Variants in VPS13B observed in about 807,000 individuals in gnomAD.
VPS13B encodes the protein vacuolar protein sorting 13 homolog B, also known as intermembrane lipid transfer protein VPS13B.
Under a neutral mutation model 426.4 loss-of-function variants are expected in VPS13B, and 285 were observed. That is an observed-to-expected ratio of 0.67 (90% CI 0.61 to 0.74). The LOEUF is 0.74. Ranked by LOEUF, VPS13B falls within the 30% of genes least tolerant of loss-of-function variation. The probability of loss-of-function intolerance (pLI) is 0.00; values close to 1 mark genes in which losing one functional copy is unlikely to be tolerated. For synonymous variants in VPS13B, 1,676 were observed against 1,676.4 expected (o/e 1.00, Z 0.01); for missense variants, 4,537 against 4,782.6 (o/e 0.95, Z 1.51).
chr8:99,465,227 G>GGT (rs931132518), intron 23 of VPS13B, among the ~76,000 whole-genome samples: 47 of 151,662 alleles, frequency 3.1e-4, no homozygotes, highest in African/African-American at 1.0e-3. Context: ...TTTTCATTCT[G>GGT]GTGTGTGTGT....
chr8:99,421,325 C>A (rs1030904571), intron 21 of VPS13B, among the ~76,000 whole-genome samples: 1 of 152,032 alleles, frequency 6.6e-6, no homozygotes, highest in Non-Finnish European at 1.5e-5. Flanking sequence ...AATGAGATTG[C>A]GATGTTAAAT....
chr8:99,583,838 G>A (rs1318668128), intron 33 of VPS13B, among the ~76,000 whole-genome samples: 1 of 152,140 alleles, frequency 6.6e-6, no homozygotes, highest in Non-Finnish European at 1.5e-5. Context: ...AGACTGGCAT[G>A]AAGGAGTATG....
intron 31 of VPS13B, among the ~76,000 whole-genome samples, chr8:99,559,380 T>G (rs1197376081): frequency 1.3e-5 from 2 of 152,230 alleles, no homozygotes; most frequent in African/African-American, 4.8e-5. Flanking sequence ...GATGGTAGTT[T>G]CTTTTGCTGT....
chr8:99,364,304 A>T (rs1812719464), intron 19 of VPS13B, among the ~76,000 whole-genome samples: 1 of 152,218 alleles, frequency 6.6e-6, no homozygotes, highest in African/African-American at 2.4e-5. Flanking sequence ...CATACCCAGG[A>T]TAAATCCCAC....
chr8:99,579,802 A>G (rs775854221), intron 33 of VPS13B, among the ~76,000 whole-genome samples: 11 of 151,104 alleles, frequency 7.3e-5, no homozygotes, highest in Non-Finnish European at 1.3e-4. Flanking sequence ...GGTTCAAGCA[A>G]TTCTCCTGCC....
intron 19 of VPS13B, among the ~76,000 whole-genome samples, chr8:99,373,860 A>G (rs1415483673): frequency 6.6e-6 from 1 of 150,702 alleles, no homozygotes; most frequent in Admixed American, 6.6e-5. Flanking sequence ...AACAAAAGGA[A>G]CTCTTCTGTT....
chr8:99,856,221 C>G (rs184751382), intron 56 of VPS13B, among the ~76,000 whole-genome samples: 285 of 152,332 alleles, frequency 1.9e-3, no homozygotes, highest in African/African-American at 6.1e-3. Flanking sequence ...GCTGCCGTTC[C>G]AATCTCACTG....
intron 7 of VPS13B, among the ~76,000 whole-genome samples, chr8:99,120,756 A>C (rs1847894623): frequency 6.6e-6 from 1 of 152,114 alleles, no homozygotes; most frequent in African/African-American, 2.4e-5. Context: ...CAGGAAATGA[A>C]GAATGTTTCT....
At chr8:99,445,321 C>T (rs1041961644) in intron 23 of VPS13B, among the ~76,000 whole-genome samples, 2 of 149,154 alleles carry the variant, frequency 1.3e-5, no homozygotes, top group African/African-American at 2.4e-5. Flanking sequence ...AAAAATTACC[C>T]GGTTGTGGTG....
chr8:99,175,884 A>T (rs1431682759), intron 16 of VPS13B, among the ~76,000 whole-genome samples: 1 of 152,244 alleles, frequency 6.6e-6, no homozygotes, highest in African/African-American at 2.4e-5. Context: ...ATTAAATCAT[A>T]ACTGCATAAA....
rs1830219079 is a variant in VPS13B, at chr8:99,661,418, A to G, written c.5973A>G (p.Gly1991=). The G allele has an allele frequency of 1.2e-6, 2 of 1,613,796 alleles. No individual in the cohort carries two copies. The highest frequency in any genetic ancestry group is 4.5e-5 in the East Asian group (2 of 44,838). ...YCTVWLQTVP[G]EIDSKSGIPP... is the part of the protein sequence containing the mutation. ...CTGTTTGGCTACAGACAGTGCCTGG[A>G]GAAATAGACAGCAAAAGTGGTATTC... is the stretch of plus-strand genomic sequence containing the variant. Residue 1991 remains glycine (G), a synonymous_variant, in exon 35 of 62, where the codon GGA becomes GGG. Transcript: ENST00000357162.
chr8:99,157,599 A>AT (rs1811430386), intron 15 of VPS13B, among the ~76,000 whole-genome samples: 2 of 152,180 alleles, frequency 1.3e-5, no homozygotes, highest in African/African-American at 4.8e-5. Flanking sequence ...AGACACAACA[A>AT]TATTGAAGTT....
chr8:99,804,183 G>T, intron 43 of VPS13B: 1 of 152,836 alleles, frequency 6.5e-6, no homozygotes, highest in South Asian at 1.9e-4. Context: ...TGGGCCTCGT[G>T]GTGTTGAAGC....
chr8:99,138,250 C>G (rs530169064), intron 12 of VPS13B, among the ~76,000 whole-genome samples: 8 of 152,352 alleles, frequency 5.3e-5, no homozygotes, highest in African/African-American at 1.9e-4. Flanking sequence ...CCTCAGCCTC[C>G]TAAGTGGCTG....
intron 17 of VPS13B, among the ~76,000 whole-genome samples, chr8:99,244,345 A>G (rs1469099595): frequency 6.6e-6 from 1 of 152,388 alleles, no homozygotes; most frequent in South Asian, 2.1e-4. Context: ...TAAAAAAGCA[A>G]TGAACCCTGA....
At chr8:99,456,458 C>T (rs1182565859) in intron 23 of VPS13B, among the ~76,000 whole-genome samples, 1 of 151,972 alleles carries the variant, frequency 6.6e-6, no homozygotes, top group East Asian at 1.9e-4. Flanking sequence ...TGTGAGCCAC[C>T]GCACCAGCCA....
intron 52 of VPS13B, among the ~76,000 whole-genome samples, chr8:99,834,559 CAGGG>C (rs890001237): frequency 6.6e-6 from 1 of 150,436 alleles, no homozygotes; most frequent in Non-Finnish European, 1.5e-5. Flanking sequence ...TTTTTTGATA[CAGGG>C]TCTTGCTCTG....
chr8:99,022,063 T>A (rs1841923586), intron 2 of VPS13B, among the ~76,000 whole-genome samples: 1 of 152,094 alleles, frequency 6.6e-6, no homozygotes, highest in Non-Finnish European at 1.5e-5. Flanking sequence ...TTCAAAGAAC[T>A]AATTTTTCTT....
chr8:99,023,487 CTT>C (rs1280881092), intron 2 of VPS13B, among the ~76,000 whole-genome samples: 2 of 143,372 alleles, frequency 1.4e-5, no homozygotes, highest in Non-Finnish European at 3.1e-5. Flanking sequence ...TCTTTCTTTT[CTT>C]TTTTTTTTTT....
Sources: gnomAD v4.1 joint callset for allele counts (sites outside exome capture counted in the v4.1 genomes callset) on GRCh38, gnomAD v4.1.1 for gene constraint, MANE v1.5 for transcripts, NCBI Gene and HGNC (gene_info 2026-07-23, HGNC 2026-07-21) for gene names.